PTPRG: variants seen among roughly 807,000 people sequenced by gnomAD.
PTPRG encodes protein tyrosine phosphatase receptor type G, also known as receptor-type tyrosine-protein phosphatase gamma.
In PTPRG, 102 loss-of-function variants were observed where a neutral mutation model predicts 165.3. The ratio of observed to expected loss-of-function variants is 0.62; its 90% CI spans 0.53 to 0.73. The LOEUF is 0.73. PTPRG is among the 30% of genes least tolerant of loss of function. The pLI is 0.00. For missense variants in PTPRG, 1,866 were observed against 1,861.4 expected (o/e 1.00, Z -0.05); for synonymous variants, 675 against 669.5 (o/e 1.01, Z -0.13).
rs34682047 is a variant in PTPRG, at chr3:61,781,890, GTT to G, written c.190+32925_190+32926del. On this transcript the variant is annotated intron_variant, in intron 2 of 29. Transcript: ENST00000474889. ...CCCCAGGCATGCACCACCATGCCCA[GTT>G]TTTTTTTTTTTTTTTTATGGTAGAG... 5.6e-4 allele frequency among the ~76,000 whole-genome samples: 75 copies of G among 133,738 alleles called. No homozygotes were observed. In the East Asian group the frequency reaches 0.014, roughly 25 times the overall value. The allele number at this position is 133,738 out of a possible 152,430, so 87.7% of individuals were successfully genotyped here.
At chr3:62,056,020 G>C (rs1700621384) in intron 4 of PTPRG, among the ~76,000 whole-genome samples, 3 of 152,186 alleles carry the variant, frequency 2.0e-5, no homozygotes, top group Non-Finnish European at 4.4e-5. Flanking sequence ...AAGCAGTAGA[G>C]AGAATTCAAA....
intron 1 of PTPRG, among the ~76,000 whole-genome samples, chr3:61,586,668 A>G (rs1700443406): frequency 6.6e-6 from 1 of 152,194 alleles, no homozygotes; most frequent in Admixed American, 6.5e-5. Context: ...CAAACTGGAA[A>G]CATAGGGATG....
chr3:61,822,287 T>G (rs1193001089), intron 2 of PTPRG, among the ~76,000 whole-genome samples: 1 of 152,232 alleles, frequency 6.6e-6, no homozygotes, highest in African/African-American at 2.4e-5. Context: ...GGTTTCACGT[T>G]GTAATTGGAA....
intron 2 of PTPRG, among the ~76,000 whole-genome samples, chr3:61,816,006 A>G (rs1350756609): frequency 6.6e-6 from 1 of 151,968 alleles, no homozygotes; most frequent in East Asian, 1.9e-4. Context: ...ATCTCTTGAT[A>G]GCAAAACTGA....
chr3:62,263,029 C>A, intron 17 of PTPRG, 135 bp downstream of exon 17: 1 of 659,034 alleles, frequency 1.5e-6, no homozygotes, highest in Non-Finnish European at 2.6e-6. Flanking sequence ...CTCATTAGCC[C>A]ATCTTCAACA....
intron 5 of PTPRG, among the ~76,000 whole-genome samples, chr3:62,112,950 A>G (rs1576017158): frequency 1.3e-5 from 2 of 152,218 alleles, no homozygotes. Context: ...GGTCTCTTTC[A>G]CCTTTCGGAG....
At chr3:61,998,087 C>T (rs145757357) in intron 3 of PTPRG, among the ~76,000 whole-genome samples, 132 of 152,320 alleles carry the variant, frequency 8.7e-4, no homozygotes, top group African/African-American at 3.1e-3. Context: ...TTGGTGTGAA[C>T]ATTTGCTTTA....
rs17065283 is a variant in PTPRG, at chr3:61,753,489, A to G, written c.190+4507A>G. 9.1e-3 allele frequency: 3,196 copies of G among 351,386 alleles called. 105 individuals carry two copies. The East Asian group carries it at 0.1, about 11-fold the overall frequency. 21.8% of individuals were successfully genotyped at this position (351,386 alleles called of 1,614,324 possible). On this transcript the variant is annotated intron_variant, in intron 2 of 29. Transcript: ENST00000474889. ...TGCCCAGAACTTCTATAATTATTGC[A>G]CAAAGAGTAACACATGCTAGGCAGG...
At chr3:61,772,566 A>C (rs759855464) in intron 2 of PTPRG, among the ~76,000 whole-genome samples, 1 of 152,044 alleles carries the variant, frequency 6.6e-6, no homozygotes, top group Admixed American at 6.6e-5. Flanking sequence ...ATCTTTGTAC[A>C]TACACTCTTT....
intron 4 of PTPRG, among the ~76,000 whole-genome samples, chr3:62,011,762 G>T (rs1178913247): frequency 6.6e-6 from 1 of 152,158 alleles, no homozygotes; most frequent in Non-Finnish European, 1.5e-5. Context: ...AAGCAAGCGT[G>T]CAAGTTTTGT....
intron 8 of PTPRG, among the ~76,000 whole-genome samples, chr3:62,189,753 T>A (rs998333944): frequency 6.6e-6 from 1 of 152,142 alleles, no homozygotes; most frequent in Admixed American, 6.5e-5. Context: ...CAGGGGATCT[T>A]TGTAAAGCAC....
chr3:61,580,322 G>A (rs1467276853), intron 1 of PTPRG, among the ~76,000 whole-genome samples: 8 of 150,830 alleles, frequency 5.3e-5, no homozygotes, highest in African/African-American at 1.7e-4. Context: ...TCAGATTTTC[G>A]ACCGTGCAGG....
chr3:62,148,795 A>G (rs895337277), intron 6 of PTPRG, among the ~76,000 whole-genome samples: 12 of 150,672 alleles, frequency 8.0e-5, no homozygotes, highest in African/African-American at 2.7e-4. Context: ...TAAATAGCTA[A>G]AATAGTTGCC....
At chr3:61,672,475 C>T (rs1475794648) in intron 1 of PTPRG, among the ~76,000 whole-genome samples, 5,350 of 143,048 alleles carry the variant, frequency 0.037, 216 homozygotes, top group African/African-American at 0.098. Context: ...CCCGGCACCT[C>T]GGGAGGCCGA....
At chr3:61,910,719 C>A (rs147385733) in intron 2 of PTPRG, among the ~76,000 whole-genome samples, 1 of 152,290 alleles carries the variant, frequency 6.6e-6, no homozygotes, top group East Asian at 1.9e-4. Context: ...CCAAGGCTGT[C>A]ATTTTCCCTA....
At chr3:62,021,553 A>G (rs905210358) in intron 4 of PTPRG, among the ~76,000 whole-genome samples, 1 of 152,182 alleles carries the variant, frequency 6.6e-6, no homozygotes, top group South Asian at 2.1e-4. Context: ...TGATGTACTT[A>G]TGGGCTAGAA....
chr3:62,119,419 C>T (rs763555134), intron 5 of PTPRG, among the ~76,000 whole-genome samples: 1 of 152,136 alleles, frequency 6.6e-6, no homozygotes, highest in South Asian at 2.1e-4. Flanking sequence ...GAGGAATGAG[C>T]GGCCTAATCA....
chr3:61,583,813 G>C (rs1700365407), intron 1 of PTPRG, among the ~76,000 whole-genome samples: 2 of 152,136 alleles, frequency 1.3e-5, no homozygotes, highest in African/African-American at 4.8e-5. Flanking sequence ...TTCAAAGCTG[G>C]ATTGTTTGGT....
At chr3:61,772,787 C>A (rs114632430) in intron 2 of PTPRG, among the ~76,000 whole-genome samples, 2,999 of 152,312 alleles carry the variant, frequency 0.02, 33 homozygotes, top group Non-Finnish European at 0.028. Context: ...ACTGCAGTAT[C>A]TATCCTCATG....
Sources: allele counts gnomAD v4.1 joint callset (sites outside exome capture counted in the v4.1 genomes callset), GRCh38; gene constraint gnomAD v4.1.1; transcripts MANE v1.5; gene names NCBI Gene and HGNC (gene_info 2026-07-23, HGNC 2026-07-21).